Variants in ABCA12 observed in about 807,000 individuals in gnomAD.
ABCA12 encodes glucosylceramide transporter ABCA12.
A neutral mutation model predicts 293.5 loss-of-function variants in ABCA12; 156 were observed. That is an observed-to-expected ratio of 0.53 (90% confidence interval 0.47 to 0.61). ABCA12 has a LOEUF of 0.61. Ranked by LOEUF, ABCA12 falls within the 20% of genes least tolerant of loss-of-function variation. ABCA12 has a pLI of 0.00. For missense variants in ABCA12, 2,797 were observed against 3,090.2 expected (o/e 0.91, Z 2.25); for synonymous variants, 1,063 against 1,108.0 (o/e 0.96, Z 0.81).
intron 1 of ABCA12, among the ~76,000 whole-genome samples, chr2:215,132,056 C>T (rs1340039655): frequency 6.6e-6 from 1 of 151,884 alleles, no homozygotes; most frequent in East Asian, 1.9e-4. Context: ...GAAAGCTTCT[C>T]CTTAGTATTG....
intron 29 of ABCA12, 129 bp downstream of exon 29, chr2:214,983,518 A>G: frequency 1.1e-6 from 1 of 886,350 alleles, no homozygotes; most frequent in South Asian, 1.4e-5. Context: ...AAATAAGTAG[A>G]AAAACTAAAA....
At position 214,983,714 on chromosome 2, in the gene ABCA12, G is replaced by C. The variant is rs1394478292; in HGVS notation, c.4315C>G (p.Leu1439Val). The change falls in exon 29 of 53, where the codon CTT (leucine) becomes GTT (valine). Residue 1439 changes from leucine to valine, a missense_variant. Transcript: ENST00000272895. Reference sequence around the variant, plus strand: ...ACTTTGATGGAACCATATAGGAGAAGGTGCTCCTTAGTAGTGAGGTAACTG... The same window carrying C: ...ACTTTGATGGAACCATATAGGAGAACGTGCTCCTTAGTAGTGAGGTAACTG... Reference protein sequence around the residue: ...LFSYLTTKEHLLLYGSIKVPH... With the variant: ...LFSYLTTKEHVLLYGSIKVPH... The C allele has an allele frequency of 4.3e-6, 7 of 1,613,926 alleles. No individual in the cohort carries two copies. The highest frequency in any genetic ancestry group is 1.3e-5 in the African/African-American group (1 of 74,874).
intron 2 of ABCA12, among the ~76,000 whole-genome samples, chr2:215,087,487 C>CGTGTGTGTGTGTGTGTGT (rs3050135): frequency 2.1e-4 from 31 of 149,624 alleles, no homozygotes; most frequent in African/African-American, 6.4e-4. Flanking sequence ...ATACAGGCTT[C>CGTGTGTGTGTGTGTGTGT]GTGTGTGTGT....
At chr2:215,138,119 C>T in intron 1 of ABCA12, 21 bp downstream of exon 1, 2 of 1,613,072 alleles carry the variant, frequency 1.2e-6, no homozygotes, top group Non-Finnish European at 1.7e-6. Flanking sequence ...ACCCATACTC[C>T]CACACTTTTT....
chr2:215,012,065 A>G lies in ABCA12; in HGVS notation c.2027T>C (p.Ile676Thr). 6.2e-7 allele frequency: 1 copy of G among 1,613,966 alleles called. No individual in the cohort carries two copies. The highest frequency in any genetic ancestry group is 8.5e-7 in the Non-Finnish European group (1 of 1,179,898). Residue 676 changes from isoleucine (I) to threonine (T), a missense_variant, in exon 16 of 53, where the codon ATT (isoleucine) becomes ACT (threonine). Physicochemically the swap from Ile to Thr is moderately conservative, Grantham distance 89. Around this residue, in one of 3 missense-constraint regions of ABCA12, gnomAD observed 2,130 missense variants for 2,427.0 expected, o/e 0.88. Coordinates refer to ENST00000272895, the MANE Select transcript of ABCA12 (RefSeq NM_173076.3). ...MMELFIRLKE[I>T]LNQMASGTHP... is the part of the protein sequence containing the mutation. Reference sequence around the variant, plus strand: ...TGTGCCAGAAGCCATCTGATTGAGAATCTCTTTTAGTCTTATGAAGAGCTC... The same window carrying G: ...TGTGCCAGAAGCCATCTGATTGAGAGTCTCTTTTAGTCTTATGAAGAGCTC...
At position 215,134,646 on chromosome 2, in the gene ABCA12, C is replaced by CAG. The variant is rs71399174; in HGVS notation, c.69+3492_69+3493dup. On this transcript the variant is annotated intron_variant, in intron 1 of 52. Transcript: ENST00000272895. ...AGAGAGAGAGAGAGAGAGAGACAAA[C>CAG]AGAGAGAGAGAGAGAGAGAGAGACA... Among the ~76,000 whole-genome samples, 577 of 93,238 alleles carry CAG rather than the reference C, an allele frequency of 6.2e-3. 18 individuals carry two copies. Among genetic ancestry groups the CAG allele is most frequent in the East Asian group, 0.027 (112 of 4,082 alleles). The allele number at this position is 93,238 out of a possible 152,430, so 61.2% of individuals were successfully genotyped here. A position where few individuals can be genotyped will look rare whatever the true frequency, so the allele number is the denominator to read the frequency against.
chr2:215,100,053 T>C (rs2106115907), intron 2 of ABCA12, among the ~76,000 whole-genome samples: 1 of 151,618 alleles, frequency 6.6e-6, no homozygotes, highest in South Asian at 2.1e-4. Context: ...TTACTCTCTT[T>C]CCCAGGCCTG....
At chr2:215,095,852 G>A (rs1702239357) in intron 2 of ABCA12, among the ~76,000 whole-genome samples, 1 of 152,078 alleles carries the variant, frequency 6.6e-6, no homozygotes, top group Non-Finnish European at 1.5e-5. Context: ...GCCTGCAAAA[G>A]AACAACCCCC....
chr2:215,091,884 A>G (rs1226051050), intron 2 of ABCA12, among the ~76,000 whole-genome samples: 1 of 152,206 alleles, frequency 6.6e-6, no homozygotes, highest in Non-Finnish European at 1.5e-5. Context: ...AAATCTGGCC[A>G]CTGGGCCAAG....
intron 1 of ABCA12, among the ~76,000 whole-genome samples, chr2:215,112,061 G>A (rs1523720): frequency 0.043 from 6,493 of 152,046 alleles, 362 homozygotes; most frequent in African/African-American, 0.12. Context: ...TTCTAAACAG[G>A]CCATACAAAA....
Position 214,934,170 on chromosome 2 carries a change from C to T in ABCA12, c.7588G>A (p.Gly2530Arg). The T allele has an allele frequency of 1.2e-6, 2 of 1,613,756 alleles. No individual in the cohort carries two copies. The highest frequency in any genetic ancestry group is 1.7e-6 in the Non-Finnish European group (2 of 1,179,800). Reference protein sequence around the residue: ...MLEYHVPVTAGGVANIFDLLE... With the variant: ...MLEYHVPVTARGVANIFDLLE... ...AGATCAAAAATGTTTGCGACTCCTC[C>T]TGCTGTGACTGGTACATGATACTCT... Residue 2530 changes from glycine (G) to arginine (R), a missense_variant, in exon 52 of 53, where the codon GGA (glycine) becomes AGA (arginine). Around this residue, in one of 3 missense-constraint regions of ABCA12, gnomAD observed 2,130 missense variants for 2,427.0 expected, o/e 0.88. Transcript: ENST00000272895.
intron 8 of ABCA12, among the ~76,000 whole-genome samples, chr2:215,034,411 G>A (rs1023504517): frequency 6.6e-6 from 1 of 152,128 alleles, no homozygotes; most frequent in Non-Finnish European, 1.5e-5. Flanking sequence ...AGAAATCAGA[G>A]TGTGGAGAGG....
intron 18 of ABCA12, 24 bp downstream of exon 18, chr2:215,010,306 AG>A (rs1700343624): frequency 6.2e-7 from 1 of 1,613,120 alleles, no homozygotes; most frequent in African/African-American, 1.3e-5. Context: ...TAGTCAAAAT[AG>A]AAACTGAGTT....
chr2:214,977,469 G>A (rs114787821), intron 33 of ABCA12, among the ~76,000 whole-genome samples: 3,665 of 152,164 alleles, frequency 0.024, 137 homozygotes, highest in African/African-American at 0.083. Context: ...TGAGAGCCAG[G>A]CAAATGTTTA....
intron 36 of ABCA12, among the ~76,000 whole-genome samples, chr2:214,973,072 G>A (rs1699423595): frequency 6.6e-6 from 1 of 151,974 alleles, no homozygotes; most frequent in Admixed American, 6.6e-5. Flanking sequence ...CAATCCACCA[G>A]CCTCAGCCTC....
chr2:215,012,406 T>G (rs957417485), intron 15 of ABCA12, among the ~76,000 whole-genome samples: 1 of 152,100 alleles, frequency 6.6e-6, no homozygotes, highest in African/African-American at 2.4e-5. Flanking sequence ...TCCAGGTGAG[T>G]GGACAAAGTA....
At chr2:215,027,302 C>T (rs898761133) in intron 9 of ABCA12, among the ~76,000 whole-genome samples, 4 of 151,850 alleles carry the variant, frequency 2.6e-5, no homozygotes, top group African/African-American at 9.7e-5. Flanking sequence ...GTCGAGATCG[C>T]GCCACTGCAC....
chr2:215,047,857 A>G (rs1170813214), intron 6 of ABCA12, among the ~76,000 whole-genome samples: 1 of 152,184 alleles, frequency 6.6e-6, no homozygotes, highest in Admixed American at 6.5e-5. Context: ...TGCACAGCAA[A>G]GAAACCATCA....
Position 215,064,217 on chromosome 2 carries a change from A to G in ABCA12, c.166T>C (p.Tyr56His), listed in dbSNP as rs1157297244. ...CTAGGAAGGTTTCGAGGTGCGAGGT[A>G]ACCTAAAATTAAAAAAACAGTCATT... Reference protein sequence around the residue: ...KFPPTAKPTCYLAPRNLPSTG... With the variant: ...KFPPTAKPTCHLAPRNLPSTG... The change falls in exon 3 of 53, where the codon TAC (tyrosine) becomes CAC (histidine). Residue 56 changes from tyrosine to histidine, a missense_variant and splice_region_variant. Around this residue, in one of 3 missense-constraint regions of ABCA12, gnomAD observed 656 missense variants for 638.2 expected, o/e 1.03. Transcript: ENST00000272895. The G allele has an allele frequency of 6.2e-7, 1 of 1,612,282 alleles. No individual in the cohort carries two copies. The highest frequency in any genetic ancestry group is 2.2e-5 in the East Asian group (1 of 44,762).
Sources: gnomAD v4.1 joint callset for allele counts (sites outside exome capture counted in the v4.1 genomes callset) on GRCh38, gnomAD v4.1.1 for gene constraint, gnomAD v4.1.1 regional missense constraint, MANE v1.5 for transcripts, NCBI Gene and HGNC (gene_info 2026-07-23, HGNC 2026-07-21) for gene names.